Variants in BMPR1B observed in about 807,000 individuals in gnomAD.
BMPR1B encodes the protein bone morphogenetic protein receptor type 1B.
Under a neutral mutation model 59.1 loss-of-function variants are expected in BMPR1B, and 12 were observed. The ratio of observed to expected loss-of-function variants is 0.20; its 90% CI spans 0.13 to 0.33. The LOEUF is 0.33. Among genes scored for constraint, BMPR1B ranks in the 10% least tolerant of loss-of-function variants. The probability of loss-of-function intolerance (pLI) is 1.00; values close to 1 mark genes in which losing one functional copy is unlikely to be tolerated. For missense variants in BMPR1B, 550 were observed against 610.9 expected, an observed-to-expected ratio of 0.90 and a Z score of 1.05; for synonymous variants, 237 against 207.3, an observed-to-expected ratio of 1.14 and a Z score of -1.23.
chr4:94,778,284 A>G (rs1722458844), intron 1 of BMPR1B, among the ~76,000 whole-genome samples: 1 of 152,120 alleles, frequency 6.6e-6, no homozygotes, highest in African/African-American at 2.4e-5. Flanking sequence ...ATTTTATCAT[A>G]TATGTGTGTA....
chr4:95,138,598 G>A (rs1417536224), intron 10 of BMPR1B, among the ~76,000 whole-genome samples: 1 of 152,048 alleles, frequency 6.6e-6, no homozygotes, highest in Non-Finnish European at 1.5e-5. Context: ...TGGAGGGTTT[G>A]TTCATTACTT....
chr4:94,854,147 A>G (rs1725667830), intron 1 of BMPR1B, among the ~76,000 whole-genome samples: 1 of 152,048 alleles, frequency 6.6e-6, no homozygotes, highest in Non-Finnish European at 1.5e-5. Flanking sequence ...AGCAAGCCCC[A>G]AGATGCCTCA....
At chr4:94,799,892 T>C (rs1202835289) in intron 1 of BMPR1B, among the ~76,000 whole-genome samples, 1 of 151,964 alleles carries the variant, frequency 6.6e-6, no homozygotes, top group Non-Finnish European at 1.5e-5. Context: ...AGTTTCACCA[T>C]GTTGGCCAGG....
In BMPR1B at chr4:95,157,152, T is replaced by C. The variant is rs1254234674; in HGVS notation, c.*2479T>C. On this transcript the variant is annotated 3_prime_UTR_variant, in exon 13 of 13. Transcript: ENST00000515059. ...AAATAGTCTTCAAACTTCTTCCTTATTATATTTGGTTGCTTTGGAAAAGAT... is the reference window on the plus strand; with the variant it reads ...AAATAGTCTTCAAACTTCTTCCTTACTATATTTGGTTGCTTTGGAAAAGAT... The C allele has an allele frequency of 6.6e-6, 1 of 152,142 alleles. No homozygotes were observed. Among genetic ancestry groups the C allele is most frequent in the Non-Finnish European group, 1.5e-5 (1 of 67,992 alleles). 9.4% of individuals were successfully genotyped at this position (152,142 alleles called of 1,614,324 possible).
At chr4:95,012,890 A>G (rs1203611912) in intron 3 of BMPR1B, among the ~76,000 whole-genome samples, 6 of 152,180 alleles carry the variant, frequency 3.9e-5, no homozygotes, top group Non-Finnish European at 8.8e-5. Flanking sequence ...TAATTAACAC[A>G]GTTTGGGTTA....
At chr4:94,875,501 G>A (rs1285027383) in intron 1 of BMPR1B, among the ~76,000 whole-genome samples, 1 of 152,118 alleles carries the variant, frequency 6.6e-6, no homozygotes, top group Non-Finnish European at 1.5e-5. Flanking sequence ...TGGCTAACAC[G>A]GTGAAACCCC....
rs11725366 is a variant in BMPR1B, at chr4:95,154,868, C to T, written c.*195C>T. 18,017 of 717,560 alleles carry T rather than the reference C, an allele frequency of 0.025. 402 individuals are homozygous for T. The highest frequency in any genetic ancestry group is 0.082 in the African/African-American group (4,580 of 55,928). The allele number at this position is 717,560 out of a possible 1,614,324, so 44.4% of individuals were successfully genotyped here. On this transcript the variant is annotated 3_prime_UTR_variant, in exon 13 of 13. Coordinates refer to ENST00000515059, the MANE Select transcript of BMPR1B (RefSeq NM_001203.3). ...AAGCTCCCAGAAGGAGAGATTGATC[C>T]ATGTCTGTTTGTAGGACGGAGAAAC... is the stretch of plus-strand genomic sequence containing the variant.
chr4:94,885,652 C>T (rs946898931), intron 2 of BMPR1B, among the ~76,000 whole-genome samples: 2 of 152,090 alleles, frequency 1.3e-5, no homozygotes, highest in African/African-American at 4.8e-5. Context: ...AAGGACATGA[C>T]TTCCATTTCT....
chr4:95,088,286 C>T (rs79026343), intron 3 of BMPR1B, among the ~76,000 whole-genome samples: 1,595 of 152,256 alleles, frequency 0.01, 21 homozygotes, highest in African/African-American at 0.034. Context: ...CTAATGGTCT[C>T]TCTGCTTATA....
intron 3 of BMPR1B, among the ~76,000 whole-genome samples, chr4:95,029,535 A>G (rs553125924): frequency 6.6e-6 from 1 of 151,656 alleles, no homozygotes; most frequent in East Asian, 1.9e-4. Flanking sequence ...CTTTGCTATA[A>G]TAGTCTTTGT....
intron 6 of BMPR1B, among the ~76,000 whole-genome samples, chr4:95,116,347 A>C (rs1409667786): frequency 6.6e-6 from 1 of 150,696 alleles, no homozygotes; most frequent in East Asian, 2.0e-4. Flanking sequence ...CTCCCAAGAT[A>C]TTGCCTCCCA....
chr4:95,130,617 A>C (rs1413656680), intron 9 of BMPR1B, among the ~76,000 whole-genome samples: 1 of 152,034 alleles, frequency 6.6e-6, no homozygotes, highest in African/African-American at 2.4e-5. Flanking sequence ...GTAATACCAT[A>C]AAGTAGTTTA....
At chr4:94,984,623 A>G (rs183062337) in intron 2 of BMPR1B, among the ~76,000 whole-genome samples, 32 of 152,346 alleles carry the variant, frequency 2.1e-4, no homozygotes, top group Non-Finnish European at 4.1e-4. Flanking sequence ...TACAGTTGAA[A>G]TGGACATATT....
At chr4:95,002,903 T>C (rs1441527791) in intron 3 of BMPR1B, among the ~76,000 whole-genome samples, 1 of 152,116 alleles carries the variant, frequency 6.6e-6, no homozygotes, top group Non-Finnish European at 1.5e-5. Flanking sequence ...ATTTGAGTTA[T>C]TACCTTTTCT....
chr4:95,124,502 A>G (rs1732763538), intron 7 of BMPR1B, among the ~76,000 whole-genome samples: 1 of 152,060 alleles, frequency 6.6e-6, no homozygotes, highest in Non-Finnish European at 1.5e-5. Context: ...TTCATTTCTA[A>G]TTGAAAACTT....
intron 3 of BMPR1B, among the ~76,000 whole-genome samples, chr4:95,071,607 A>T (rs1313813167): frequency 1.4e-5 from 2 of 145,816 alleles, no homozygotes; most frequent in Non-Finnish European, 3.0e-5. Flanking sequence ...TCAGTAAAGC[A>T]TAGATTATGA....
chr4:94,764,495 A>G (rs896421759), intron 1 of BMPR1B, among the ~76,000 whole-genome samples: 2 of 152,108 alleles, frequency 1.3e-5, no homozygotes, highest in African/African-American at 2.4e-5. Context: ...ACTACTGCCC[A>G]CACCCTGTTA....
chr4:95,138,921 A>G (rs964899250), intron 10 of BMPR1B, among the ~76,000 whole-genome samples: 1 of 152,168 alleles, frequency 6.6e-6, no homozygotes, highest in South Asian at 2.1e-4. Flanking sequence ...CAACTCGTCA[A>G]AGTCATTCTC....
At chr4:95,032,431 A>G (rs1474325257) in intron 3 of BMPR1B, among the ~76,000 whole-genome samples, 1 of 152,164 alleles carries the variant, frequency 6.6e-6, no homozygotes, top group African/African-American at 2.4e-5. Context: ...TAAATACTGT[A>G]ACACGGGAAG....
Sources: allele counts gnomAD v4.1 joint callset (sites outside exome capture counted in the v4.1 genomes callset), GRCh38; gene constraint gnomAD v4.1.1; transcripts MANE v1.5; gene names NCBI Gene and HGNC (gene_info 2026-07-23, HGNC 2026-07-21).